AHI1: variants seen among roughly 807,000 people sequenced by gnomAD.
AHI1 encodes jouberin.
A neutral mutation model predicts 149.3 loss-of-function variants in AHI1; 123 were observed. The ratio of observed to expected loss-of-function variants is 0.82; its 90% CI spans 0.71 to 0.96. AHI1 has a LOEUF of 0.96. Among genes scored for constraint, AHI1 ranks in the 40% least tolerant of loss-of-function variants. AHI1 has a pLI of 0.00. For missense variants in AHI1, 1,439 were observed against 1,422.7 expected, an observed-to-expected ratio of 1.01 and a Z score of -0.18; for synonymous variants, 475 against 459.8, an observed-to-expected ratio of 1.03 and a Z score of -0.42.
chr6:135,455,993 G>C, intron 9 of AHI1, 67 bp from the exon 10 acceptor site: 1 of 1,093,040 alleles, frequency 9.1e-7, no homozygotes, highest in Admixed American at 3.6e-5. Context: ...AAAATATATA[G>C]TGTACAAGGT....
intron 26 of AHI1, among the ~76,000 whole-genome samples, chr6:135,310,197 A>G (rs184141904): frequency 3.3e-5 from 5 of 152,340 alleles, no homozygotes; most frequent in Admixed American, 1.3e-4. Flanking sequence ...TCCTATGATT[A>G]ACAATAATTC....
chr6:135,358,215 T>C (rs756071573), intron 23 of AHI1, 28 bp from the exon 24 acceptor site: 1 of 1,592,550 alleles, frequency 6.3e-7, no homozygotes, highest in East Asian at 2.2e-5. Flanking sequence ...TGTGAGTATT[T>C]GGTTATTAAG....
chr6:135,479,024 T>G (rs1011516026), intron 5 of AHI1, among the ~76,000 whole-genome samples: 11 of 152,260 alleles, frequency 7.2e-5, no homozygotes, highest in Admixed American at 5.2e-4. Context: ...AGGCAAGAGG[T>G]GAGGTTTAGA....
At chr6:135,445,621 T>C (rs1247632595) in intron 13 of AHI1, among the ~76,000 whole-genome samples, 3 of 152,158 alleles carry the variant, frequency 2.0e-5, no homozygotes, top group Non-Finnish European at 2.9e-5. Context: ...CATCCAGGCT[T>C]GAGTGCAGTG....
intron 5 of AHI1, among the ~76,000 whole-genome samples, chr6:135,472,247 T>C (rs1791869571): frequency 6.6e-6 from 1 of 152,118 alleles, no homozygotes. Context: ...TCACAATAGC[T>C]TTGCCTTGTC....
At chr6:135,428,798 A>C (rs1375819238) in intron 18 of AHI1, 39 bp from the exon 19 acceptor site, 1 of 1,535,242 alleles carries the variant, frequency 6.5e-7, no homozygotes, top group East Asian at 2.3e-5. Flanking sequence ...AACTGTCTTA[A>C]TCATGTAAAT....
At chr6:135,479,337 C>A (rs995820746) in intron 5 of AHI1, among the ~76,000 whole-genome samples, 1 of 152,240 alleles carries the variant, frequency 6.6e-6, no homozygotes, top group Admixed American at 6.5e-5. Context: ...AGGGGCTGTA[C>A]CCTGCAGAGC....
At chr6:135,474,147 AAT>A (rs1792205343) in intron 5 of AHI1, among the ~76,000 whole-genome samples, 1 of 152,220 alleles carries the variant, frequency 6.6e-6, no homozygotes, top group Non-Finnish European at 1.5e-5. Flanking sequence ...AGGCGTATTA[AAT>A]ATATTTTCAA....
intron 20 of AHI1, among the ~76,000 whole-genome samples, chr6:135,417,768 A>G (rs1782594198): frequency 6.6e-6 from 1 of 152,076 alleles, no homozygotes. Flanking sequence ...AAAAATCTGC[A>G]GAAATATTCA....
chr6:135,450,091 A>G (rs1787866216), intron 11 of AHI1, among the ~76,000 whole-genome samples: 1 of 152,200 alleles, frequency 6.6e-6, no homozygotes. Flanking sequence ...AAGTGGTTCC[A>G]AGAAAAGTGG....
intron 24 of AHI1, among the ~76,000 whole-genome samples, chr6:135,357,544 G>T (rs1443557179): frequency 1.3e-5 from 2 of 152,202 alleles, no homozygotes; most frequent in Non-Finnish European, 2.9e-5. Context: ...GTACTTGGAA[G>T]ACTTATGAAT....
chr6:135,308,053 CA>C (rs1299452119), intron 26 of AHI1, among the ~76,000 whole-genome samples: 1 of 151,850 alleles, frequency 6.6e-6, no homozygotes, highest in Non-Finnish European at 1.5e-5. Flanking sequence ...GGAGAACTTC[CA>C]AAAAAAGGTC....
rs747598021 is a variant in AHI1, at chr6:135,290,540, G to T, written c.3486-15C>A. 6.2e-7 allele frequency: 1 copy of T among 1,613,458 alleles called. No individual in the cohort carries two copies. The highest frequency in any genetic ancestry group is 2.2e-5 in the East Asian group (1 of 44,876). ...TCATTTCAGAACTATAGGAGGGAAA[G>T]ATCAGAAACAAGGAGCCAGTAAAAG... On this transcript the variant is annotated splice_polypyrimidine_tract_variant and intron_variant, in intron 27 of 28. Coordinates refer to ENST00000265602, the MANE Select transcript of AHI1 (RefSeq NM_001134831.2).
At position 135,483,042 on chromosome 6, in the gene AHI1, C is replaced by CCACCA. The variant is rs1252817737; in HGVS notation, c.135+7576_135+7580dup. Among the ~76,000 whole-genome samples the CCACCA allele has an allele frequency of 9.2e-3, 1,388 of 151,320 alleles. 31 individuals are homozygous for CCACCA. The highest frequency in any genetic ancestry group is 0.032 in the African/African-American group (1,326 of 41,144). On this transcript the variant is annotated intron_variant, in intron 5 of 28. Transcript: ENST00000265602. ...AAGTAGCTGGGACTACAGCTGCCTG[C>CCACCA]CACCACACCTGGCTAATTTTTTTTT...
intron 20 of AHI1, among the ~76,000 whole-genome samples, chr6:135,422,643 GTAT>G (rs1783357515): frequency 6.6e-6 from 1 of 150,938 alleles, no homozygotes; most frequent in Non-Finnish European, 1.5e-5. Context: ...ATGTATGTAT[GTAT>G]GTATGTATGT....
chr6:135,343,936 G>A (rs1047974887), intron 24 of AHI1, among the ~76,000 whole-genome samples: 3 of 151,924 alleles, frequency 2.0e-5, no homozygotes, highest in African/African-American at 7.2e-5. Flanking sequence ...CAAAGGATAT[G>A]ATCAAGAAAG....
chr6:135,490,029 G>T, intron 5 of AHI1: 1 of 606,230 alleles, frequency 1.6e-6, no homozygotes. Context: ...AGGGCATAGA[G>T]CATTAACTGT....
intron 22 of AHI1, among the ~76,000 whole-genome samples, chr6:135,396,931 G>A (rs532693161): frequency 2.0e-5 from 3 of 151,516 alleles, no homozygotes; most frequent in African/African-American, 7.3e-5. Context: ...AAAAATACCT[G>A]GAAAGTTAAA....
At chr6:135,431,766 T>C (rs1784696850) in intron 16 of AHI1, among the ~76,000 whole-genome samples, 1 of 152,148 alleles carries the variant, frequency 6.6e-6, no homozygotes, top group Admixed American at 6.5e-5. Flanking sequence ...ATCTTAAAAT[T>C]GAAAGACCTC....
Sources: gnomAD v4.1 joint callset for allele counts (sites outside exome capture counted in the v4.1 genomes callset) on GRCh38, gnomAD v4.1.1 for gene constraint, MANE v1.5 for transcripts, NCBI Gene and HGNC (gene_info 2026-07-23, HGNC 2026-07-21) for gene names.